The following LYST variants were observed in gnomAD, a reference collection of about 807,000 sequenced individuals.
LYST encodes the protein lysosomal-trafficking regulator.
Under a neutral mutation model 413.6 loss-of-function variants are expected in LYST, and 192 were observed. The ratio of observed to expected loss-of-function variants is 0.46; its 90% CI spans 0.41 to 0.52. LYST has a LOEUF of 0.52. Ranked by LOEUF, LYST falls within the 20% of genes least tolerant of loss-of-function variation. The pLI is 0.00. For synonymous variants in LYST, 1,525 were observed against 1,567.3 expected (o/e 0.97, Z 0.64); for missense variants, 3,815 against 4,499.9 (o/e 0.85, Z 4.35).
chr1:235,849,595 T>G (rs1318547197), intron 1 of LYST, among the ~76,000 whole-genome samples: 1 of 151,964 alleles, frequency 6.6e-6, no homozygotes, highest in South Asian at 2.1e-4. Context: ...TTGCTGATGA[T>G]ATGATTGTTT....
intron 8 of LYST, among the ~76,000 whole-genome samples, chr1:235,801,978 G>A (rs139923692): frequency 3.9e-5 from 6 of 152,070 alleles, no homozygotes; most frequent in South Asian, 2.1e-4. Flanking sequence ...GGTGGATCAC[G>A]AAGTCAGGAG....
At chr1:235,819,326 G>T (rs1189373305) in intron 3 of LYST, among the ~76,000 whole-genome samples, 2 of 152,124 alleles carry the variant, frequency 1.3e-5, no homozygotes, top group African/African-American at 4.8e-5. Flanking sequence ...TGGTCCCAAA[G>T]AAACCACATT....
At chr1:235,685,551 A>C (rs1419781627) in intron 48 of LYST, among the ~76,000 whole-genome samples, 1 of 152,174 alleles carries the variant, frequency 6.6e-6, no homozygotes, top group East Asian at 1.9e-4. Flanking sequence ...GCTTGGAAAA[A>C]AAAGTAAGAA....
intron 44 of LYST, among the ~76,000 whole-genome samples, chr1:235,703,524 C>G (rs930394018): frequency 1.3e-5 from 2 of 152,148 alleles, no homozygotes; most frequent in African/African-American, 4.8e-5. Context: ...TGCACATTTA[C>G]TTATTTCTAA....
chr1:235,727,653 TAAC>T (rs1275247764), intron 38 of LYST, among the ~76,000 whole-genome samples: 4 of 152,168 alleles, frequency 2.6e-5, no homozygotes, highest in African/African-American at 9.6e-5. Context: ...TCTAGAATAA[TAAC>T]AATTATCATT....
At chr1:235,757,002 T>A (rs1352975201) in intron 24 of LYST, among the ~76,000 whole-genome samples, 1 of 152,036 alleles carries the variant, frequency 6.6e-6, no homozygotes, top group African/African-American at 2.4e-5. Context: ...ATTGGTAGAT[T>A]TAAAAGACAT....
At chr1:235,791,477 T>G (rs1417072053) in intron 12 of LYST, 1 of 508,600 alleles carries the variant, frequency 2.0e-6, no homozygotes, top group Non-Finnish European at 3.5e-6. Flanking sequence ...ATATGTGGTG[T>G]CCCCTTCACC....
rs139804084 is a variant in LYST, at chr1:235,843,298, C to T, written c.-97-9631G>A. 5.8e-3 allele frequency among the ~76,000 whole-genome samples: 878 copies of T among 152,148 alleles called. 10 individuals carry two copies. The highest frequency in any genetic ancestry group is 0.02 in the African/African-American group (810 of 41,490). ...AGATATTTATTAATATGCTCCAGCT[C>T]ATTCTATTTTCACTATTTATGAATC... On this transcript the variant is annotated intron_variant, in intron 1 of 52. Transcript: ENST00000389793.
At chr1:235,691,988 ATG>A (rs1660697332) in intron 47 of LYST, among the ~76,000 whole-genome samples, 1 of 146,656 alleles carries the variant, frequency 6.8e-6, no homozygotes, top group Admixed American at 6.8e-5. Context: ...GTGAGCCACC[ATG>A]CCCAGCCTAA....
intron 50 of LYST, among the ~76,000 whole-genome samples, chr1:235,666,647 TCTA>T (rs111424523): frequency 6.8e-6 from 1 of 146,444 alleles, no homozygotes; most frequent in Admixed American, 6.9e-5. Context: ...TGCCCAATGT[TCTA>T]CTAAGTTTTC....
At chr1:235,677,454 T>C (rs1326168630) in intron 49 of LYST, 26 bp downstream of exon 49, 2 of 1,611,854 alleles carry the variant, frequency 1.2e-6, no homozygotes, top group Middle Eastern at 1.7e-4. Flanking sequence ...AAATGCTATG[T>C]TTGATTTGGA....
intron 48 of LYST, among the ~76,000 whole-genome samples, chr1:235,682,501 G>A (rs1659901386): frequency 6.6e-6 from 1 of 152,176 alleles, no homozygotes; most frequent in Admixed American, 6.5e-5. Flanking sequence ...TGCAGGAGAG[G>A]CCATGAGCCA....
At chr1:235,733,712 T>C (rs780783160) in intron 33 of LYST, 21 bp from the exon 34 acceptor site, 1 of 1,597,178 alleles carries the variant, frequency 6.3e-7, no homozygotes, top group Non-Finnish European at 8.6e-7. Context: ...AATAAGATTG[T>C]CCATAGTTAA....
intron 20 of LYST, among the ~76,000 whole-genome samples, chr1:235,769,495 A>G (rs751557247): frequency 6.6e-6 from 1 of 152,060 alleles, no homozygotes; most frequent in Non-Finnish European, 1.5e-5. Context: ...TACTGATCTC[A>G]TGGAGTATCT....
chr1:235,666,729 T>C (rs1658519078), intron 50 of LYST, among the ~76,000 whole-genome samples: 1 of 151,906 alleles, frequency 6.6e-6, no homozygotes, highest in African/African-American at 2.4e-5. Flanking sequence ...GCTAAAGAAA[T>C]AGAATTATAG....
intron 47 of LYST, among the ~76,000 whole-genome samples, chr1:235,690,509 A>C (rs1299955629): frequency 6.6e-6 from 1 of 152,136 alleles, no homozygotes. Flanking sequence ...GATGTTTCAA[A>C]ACTAAAAAAA....
In LYST at chr1:235,806,234, G is replaced by A. The variant is rs1672819345; in HGVS notation, c.2902C>T (p.Arg968Cys). Residue 968 changes from arginine (R) to cysteine (C), a missense_variant, in exon 6 of 53, where the codon CGT becomes TGT. By Grantham distance (180) the Arg-to-Cys change is radical. Coordinates refer to ENST00000389793, the MANE Select transcript of LYST (RefSeq NM_000081.4). The part of the protein sequence containing the change: ...HQAADIWSMC[R>C]WIYMLSSVFQ... ...ACTGAACTCAACATGTAGATCCAAC[G>A]ACACATAGACCAAATGTCTGCTGCT... 6.2e-7 allele frequency: 1 copy of A among 1,613,834 alleles called. No individual in the cohort carries two copies. Among genetic ancestry groups the A allele is most frequent in the South Asian group, 1.1e-5 (1 of 91,044 alleles).
At chr1:235,807,499 T>A (rs866865669) in intron 5 of LYST, among the ~76,000 whole-genome samples, 1 of 152,184 alleles carries the variant, frequency 6.6e-6, no homozygotes, top group African/African-American at 2.4e-5. Context: ...TCAGTTCTAG[T>A]TAAACAATGC....
chr1:235,719,290 T>C (rs940492207), intron 40 of LYST, among the ~76,000 whole-genome samples: 14 of 152,182 alleles, frequency 9.2e-5, no homozygotes, highest in African/African-American at 3.1e-4. Context: ...AGTGCTGAGA[T>C]TACAGGAGTG....
Sources: gnomAD v4.1 joint callset for allele counts (sites outside exome capture counted in the v4.1 genomes callset) on GRCh38, gnomAD v4.1.1 for gene constraint, MANE v1.5 for transcripts, NCBI Gene and HGNC (gene_info 2026-07-23, HGNC 2026-07-21) for gene names.